LIN52: variants seen among roughly 807,000 people sequenced by gnomAD.
LIN52 encodes lin-52 DREAM MuvB core complex component.
Under a neutral mutation model 18.5 loss-of-function variants are expected in LIN52, and 4 were observed. The observed-to-expected ratio is 0.22, with a 90% CI of 0.11 to 0.49. The LOEUF is 0.49. LIN52 is among the 20% of genes least tolerant of loss of function. The pLI, the probability that LIN52 is intolerant of heterozygous loss-of-function variation, is 0.97. For missense variants in LIN52, 102 were observed against 139.5 expected, an observed-to-expected ratio of 0.73 and a Z score of 1.35; for synonymous variants, 34 against 45.5, an observed-to-expected ratio of 0.75 and a Z score of 1.02.
chr14:74,140,064 T>C (rs2061121288), intron 5 of LIN52, among the ~76,000 whole-genome samples: 1 of 139,022 alleles, frequency 7.2e-6, no homozygotes, highest in Non-Finnish European at 1.5e-5. Flanking sequence ...ATTTAAAATT[T>C]AACTCCTAAG....
chr14:74,101,771 A>G (rs544480702), intron 5 of LIN52, among the ~76,000 whole-genome samples: 4 of 152,100 alleles, frequency 2.6e-5, no homozygotes, highest in Non-Finnish European at 4.4e-5. Flanking sequence ...ATTTTTCTTT[A>G]TACAGTAAAA....
intron 5 of LIN52, among the ~76,000 whole-genome samples, chr14:74,175,736 ACACACACACACACACC>A (rs1198467034): frequency 4.2e-5 from 6 of 142,216 alleles, no homozygotes; most frequent in Admixed American, 1.4e-4. Flanking sequence ...ACACACACAC[ACACACACACACACACC>A]CCCATTATAC....
chr14:74,111,892 T>G (rs1337654492), intron 5 of LIN52, among the ~76,000 whole-genome samples: 1 of 151,850 alleles, frequency 6.6e-6, no homozygotes, highest in Non-Finnish European at 1.5e-5. Flanking sequence ...TCTTTTTTTT[T>G]GTTTTGAGAT....
chr14:74,151,995 G>C (rs1285703223), intron 5 of LIN52, among the ~76,000 whole-genome samples: 1 of 152,124 alleles, frequency 6.6e-6, no homozygotes, highest in African/African-American at 2.4e-5. Context: ...GGTGGCTCAC[G>C]CCTGTAATCC....
At position 74,184,557 on chromosome 14, in the gene LIN52, G is replaced by T. The variant is rs115353086; in HGVS notation, c.284-14365G>T. 5.0e-3 allele frequency among the ~76,000 whole-genome samples: 760 copies of T among 152,292 alleles called. 2 individuals carry two copies. The highest frequency in any genetic ancestry group is 0.018 in the African/African-American group (731 of 41,558). ...TCACATCAAGACTGACATGACATCT[G>T]TCTGTTCCAGTTTGAGTGAAGATCA... On this transcript the variant is annotated intron_variant, in intron 5 of 5. Transcript: ENST00000555028.
chr14:74,113,871 C>G (rs1419350896), intron 5 of LIN52: 3 of 151,944 alleles, frequency 2.0e-5, no homozygotes, highest in African/African-American at 7.3e-5. Context: ...TTTCCTGGCC[C>G]CACTTTTAGT....
chr14:74,114,603 A>T (rs12147794), intron 5 of LIN52, among the ~76,000 whole-genome samples: 1 of 151,974 alleles, frequency 6.6e-6, no homozygotes, highest in African/African-American at 2.4e-5. Flanking sequence ...TAACAACAAC[A>T]ACAACAACAA....
intron 5 of LIN52, among the ~76,000 whole-genome samples, chr14:74,192,268 G>A (rs1392892594): frequency 1.3e-5 from 2 of 151,866 alleles, no homozygotes; most frequent in Admixed American, 6.6e-5. Context: ...GAGAACAGTG[G>A]TTGTTTTTTG....
chr14:74,193,247 CAA>C (rs55829983), intron 5 of LIN52, among the ~76,000 whole-genome samples: 17 of 139,560 alleles, frequency 1.2e-4, no homozygotes, highest in South Asian at 2.4e-4. Context: ...CCTGTCTCCA[CAA>C]AAAAAAAAAA....
rs967354231 is a variant in LIN52, at chr14:74,201,456, C to T, written c.*2479C>T. On this transcript the variant is annotated 3_prime_UTR_variant, in exon 6 of 6. Coordinates refer to ENST00000555028, the MANE Select transcript of LIN52 (RefSeq NM_001024674.3). ...TATTTAGAAACCCTTAATACCTTCC[C>T]GTGTCTACTAATAAAGTCTCAATCT... 6.6e-6 allele frequency among the ~76,000 whole-genome samples: 1 copy of T among 152,196 alleles called. No individual in the cohort carries two copies. The highest frequency in any genetic ancestry group is 6.5e-5 in the Admixed American group (1 of 15,276).
intron 5 of LIN52, among the ~76,000 whole-genome samples, chr14:74,146,986 T>C (rs1307556550): frequency 1.3e-5 from 2 of 152,106 alleles, no homozygotes; most frequent in East Asian, 3.9e-4. Flanking sequence ...AGGCCAGGCA[T>C]GGTGGCTCAT....
intron 5 of LIN52, among the ~76,000 whole-genome samples, chr14:74,193,328 C>T (rs1000807582): frequency 2.0e-5 from 3 of 151,832 alleles, no homozygotes; most frequent in Non-Finnish European, 4.4e-5. Flanking sequence ...GCAGGAGGAT[C>T]ACTTGAGTCC....
chr14:74,179,440 A>T (rs1241576044), intron 5 of LIN52, among the ~76,000 whole-genome samples: 1 of 152,146 alleles, frequency 6.6e-6, no homozygotes, highest in Non-Finnish European at 1.5e-5. Context: ...CAGGCGGATC[A>T]TTTGAGGTCA....
intron 5 of LIN52, among the ~76,000 whole-genome samples, chr14:74,160,237 T>A (rs562481013): frequency 1.2e-4 from 19 of 152,158 alleles, no homozygotes; most frequent in Non-Finnish European, 1.9e-4. Flanking sequence ...AGGGAGAAGA[T>A]GCCATCTACA....
chr14:74,127,487 TTTC>T (rs1234219900), intron 5 of LIN52, among the ~76,000 whole-genome samples: 1 of 152,164 alleles, frequency 6.6e-6, no homozygotes, highest in Admixed American at 6.5e-5. Context: ...TCATGTGAGA[TTTC>T]TTAGGTTTAC....
intron 5 of LIN52, among the ~76,000 whole-genome samples, chr14:74,120,806 C>T (rs1443432060): frequency 6.6e-6 from 1 of 151,454 alleles, no homozygotes; most frequent in Non-Finnish European, 1.5e-5. Flanking sequence ...CCTGTAGTCC[C>T]AGCTACTCAG....
chr14:74,155,377 G>A (rs1366100371), intron 5 of LIN52, among the ~76,000 whole-genome samples: 1 of 152,258 alleles, frequency 6.6e-6, no homozygotes, highest in Non-Finnish European at 1.5e-5. Flanking sequence ...CACCCTGGTG[G>A]AAGCAGAGCA....
chr14:74,092,759 A>C (rs1286001987), intron 2 of LIN52, among the ~76,000 whole-genome samples: 1 of 151,754 alleles, frequency 6.6e-6, no homozygotes, highest in Non-Finnish European at 1.5e-5. Context: ...TCTATCAAAA[A>C]TACAAAAATT....
chr14:74,122,890 AAAAC>A (rs1282608098), intron 5 of LIN52, among the ~76,000 whole-genome samples: 2 of 96,358 alleles, frequency 2.1e-5, no homozygotes, highest in African/African-American at 7.5e-5. Context: ...CAAACAAACA[AAAAC>A]AAAAACAAAA....
Sources: allele counts gnomAD v4.1 joint callset (sites outside exome capture counted in the v4.1 genomes callset), GRCh38; gene constraint gnomAD v4.1.1; transcripts MANE v1.5; gene names NCBI Gene and HGNC (gene_info 2026-07-23, HGNC 2026-07-21).